The following AFG3L2 variants were observed in gnomAD, a reference collection of about 807,000 sequenced individuals.
AFG3L2 encodes AFG3 like matrix AAA peptidase subunit 2.
In AFG3L2, 54 loss-of-function variants were observed where a neutral mutation model predicts 94.5. The observed-to-expected ratio is 0.57, with a 90% CI of 0.46 to 0.72. The LOEUF (loss-of-function observed/expected upper bound fraction) is 0.72, where lower values mean the gene tolerates loss of function less well. Ranked by LOEUF, AFG3L2 falls within the 30% of genes least tolerant of loss-of-function variation. The pLI, the probability that AFG3L2 is intolerant of heterozygous loss-of-function variation, is 0.00. For synonymous variants in AFG3L2, 377 were observed against 365.5 expected (o/e 1.03, Z -0.36); for missense variants, 754 against 994.9 (o/e 0.76, Z 3.26).
intron 15 of AFG3L2, among the ~76,000 whole-genome samples, chr18:12,339,158 G>C (rs983887665): frequency 4.7e-5 from 7 of 147,436 alleles, no homozygotes; most frequent in Admixed American, 2.1e-4. Flanking sequence ...GGAGAATGGC[G>C]TGAACCTGGC....
chr18:12,335,599 C>CA (rs1907717513), intron 16 of AFG3L2, among the ~76,000 whole-genome samples: 1 of 152,226 alleles, frequency 6.6e-6, no homozygotes, highest in Non-Finnish European at 1.5e-5. Flanking sequence ...TCTAAGCTGA[C>CA]AGAGATCTGT....
At chr18:12,367,216 C>T in intron 4 of AFG3L2, 60 bp downstream of exon 4, 1 of 1,612,974 alleles carries the variant, frequency 6.2e-7, no homozygotes, top group South Asian at 1.1e-5. Flanking sequence ...ACTAATGCCT[C>T]CCAACCTTCT....
At chr18:12,366,142 C>G (rs1908800418) in intron 5 of AFG3L2, among the ~76,000 whole-genome samples, 1 of 152,106 alleles carries the variant, frequency 6.6e-6, no homozygotes, top group Non-Finnish European at 1.5e-5. Context: ...TCCCAAAGTG[C>G]TGGGATTACA....
chr18:12,366,417 A>G (rs1908809335), intron 5 of AFG3L2, among the ~76,000 whole-genome samples: 1 of 152,204 alleles, frequency 6.6e-6, no homozygotes, highest in African/African-American at 2.4e-5. Context: ...GACAGTAACA[A>G]AGGCTGCTCC....
intron 6 of AFG3L2, among the ~76,000 whole-genome samples, chr18:12,362,518 C>T (rs767635972): frequency 6.6e-6 from 1 of 152,082 alleles, no homozygotes; most frequent in Non-Finnish European, 1.5e-5. Context: ...CAATATAAAC[C>T]TTAACTGTAA....
At chr18:12,368,897 C>T (rs751997792) in intron 3 of AFG3L2, among the ~76,000 whole-genome samples, 2 of 152,094 alleles carry the variant, frequency 1.3e-5, no homozygotes, top group African/African-American at 2.4e-5. Flanking sequence ...CCACCGCACC[C>T]GGACCGAATA....
At chr18:12,376,849 G>C (rs549312004) in intron 1 of AFG3L2, 120 bp downstream of exon 1, 2 of 738,226 alleles carry the variant, frequency 2.7e-6, no homozygotes, top group African/African-American at 1.9e-5. Flanking sequence ...CCAGGCCCTC[G>C]GCAGGGACGG....
intron 1 of AFG3L2, among the ~76,000 whole-genome samples, chr18:12,372,081 G>A (rs566244406): frequency 1.4e-4 from 21 of 152,304 alleles, no homozygotes; most frequent in Non-Finnish European, 2.1e-4. Context: ...CGAGGTGGGT[G>A]CATCACGAGG....
Position 12,377,216 on chromosome 18 carries a change from G to C in AFG3L2, c.-134C>G. The C allele has an allele frequency of 1.4e-6, 1 of 700,548 alleles. No individual in the cohort carries two copies. Among genetic ancestry groups the C allele is most frequent in the Non-Finnish European group, 2.3e-6 (1 of 431,950 alleles). The allele number at this position is 700,548 out of a possible 1,614,324, so 43.4% of individuals were successfully genotyped here. A position where few individuals can be genotyped will look rare whatever the true frequency, so the allele number is the denominator to read the frequency against. ...AAGCGCGCCGGCGGCTCACGGAGGA[G>C]CCCAAGCTCTCAACGCGGCGTCTCC... On this transcript the variant is annotated 5_prime_UTR_variant, in exon 1 of 17. Coordinates refer to ENST00000269143, the MANE Select transcript of AFG3L2 (RefSeq NM_006796.3).
Position 12,369,827 on chromosome 18 carries a change from C to T in AFG3L2, c.292+1022G>A, listed in dbSNP as rs1228942850. ...ATCCCAGCACTTTGGGAGGCCGAGG[C>T]AGGCGGATCACAAGGTCAGGAGATG... On this transcript the variant is annotated intron_variant, in intron 3 of 16. Transcript: ENST00000269143. Among the ~76,000 whole-genome samples the T allele has an allele frequency of 2.6e-5, 4 of 151,674 alleles. No homozygotes were observed. The East Asian group carries it at 7.7e-4, about 29-fold the overall frequency.
In AFG3L2 at chr18:12,334,517, T is replaced by C. The variant is rs528042685; in HGVS notation, c.2175+2824A>G. On this transcript the variant is annotated intron_variant, in intron 16 of 16. Coordinates refer to ENST00000269143, the MANE Select transcript of AFG3L2 (RefSeq NM_006796.3). ...TCATATTCTGATTGCAAATGCGCCTTGCTCAAATCCTCTTGGGTGTTGAGA... is the reference window on the plus strand; with the variant it reads ...TCATATTCTGATTGCAAATGCGCCTCGCTCAAATCCTCTTGGGTGTTGAGA... Among the ~76,000 whole-genome samples the C allele has an allele frequency of 1.4e-4, 22 of 152,330 alleles. No homozygotes were observed. In the South Asian group the frequency reaches 4.1e-3, roughly 29 times the overall value.
intron 1 of AFG3L2, among the ~76,000 whole-genome samples, chr18:12,372,043 C>T (rs1356059357): frequency 6.6e-6 from 1 of 152,202 alleles, no homozygotes; most frequent in African/African-American, 2.4e-5. Context: ...CAGTGGCTCA[C>T]ACCTGTAATC....
intron 3 of AFG3L2, among the ~76,000 whole-genome samples, chr18:12,368,860 C>CAA (rs1908889699): frequency 6.6e-6 from 1 of 152,138 alleles, no homozygotes. Flanking sequence ...TTCGGCCTCC[C>CAA]AAAGTGCTGG....
intron 1 of AFG3L2, among the ~76,000 whole-genome samples, chr18:12,372,360 T>G (rs1909017689): frequency 6.6e-6 from 1 of 152,006 alleles, no homozygotes; most frequent in African/African-American, 2.4e-5. Flanking sequence ...TAAAACCACC[T>G]CACATCCACT....
At chr18:12,332,148 G>T (rs1907554577) in intron 16 of AFG3L2, among the ~76,000 whole-genome samples, 1 of 125,054 alleles carries the variant, frequency 8.0e-6, no homozygotes, top group Non-Finnish European at 1.6e-5. Context: ...TTTTGAGACA[G>T]AGTCTTGTTC....
intron 16 of AFG3L2, among the ~76,000 whole-genome samples, chr18:12,333,309 A>G (rs1364756050): frequency 7.6e-6 from 1 of 131,136 alleles, no homozygotes; most frequent in Non-Finnish European, 1.6e-5. Flanking sequence ...TATATTATAT[A>G]TTATAAATAT....
At chr18:12,351,245 A>G in intron 11 of AFG3L2, 35 bp from the exon 12 acceptor site, 1 of 1,614,100 alleles carries the variant, frequency 6.2e-7, no homozygotes. Flanking sequence ...AGAAAATCAT[A>G]TTGAAACAGT....
At chr18:12,373,533 T>G (rs556753831) in intron 1 of AFG3L2, among the ~76,000 whole-genome samples, 1 of 152,310 alleles carries the variant, frequency 6.6e-6, no homozygotes, top group Admixed American at 6.5e-5. Flanking sequence ...TGAAGGGGTC[T>G]TTATATTGCC....
chr18:12,337,224 T>A, intron 16 of AFG3L2, 117 bp downstream of exon 16: 1 of 917,936 alleles, frequency 1.1e-6, no homozygotes, highest in South Asian at 1.3e-5. Context: ...AACGGACCCA[T>A]GGGTGAGCCA....
Sources: gnomAD v4.1 joint callset for allele counts (sites outside exome capture counted in the v4.1 genomes callset) on GRCh38, gnomAD v4.1.1 for gene constraint, MANE v1.5 for transcripts, NCBI Gene and HGNC (gene_info 2026-07-23, HGNC 2026-07-21) for gene names.